Variants in MIIP observed in about 807,000 individuals in gnomAD.
MIIP encodes migration and invasion-inhibitory protein.
MIIP carries 44 observed loss-of-function variants against 44.8 expected under a neutral mutation model. The observed-to-expected ratio is 0.98, with a 90% CI of 0.77 to 1.26. MIIP has a LOEUF of 1.26. Among genes scored for constraint, MIIP ranks in the 50% most tolerant of loss-of-function variants. The pLI is 0.00. For missense variants in MIIP, 496 were observed against 511.7 expected (o/e 0.97, Z 0.30); for synonymous variants, 225 against 218.3 (o/e 1.03, Z -0.27).
intron 6 of MIIP, 158 bp from the exon 7 acceptor site, chr1:12,029,607 C>T: frequency 9.2e-7 from 1 of 1,088,524 alleles, no homozygotes; most frequent in Non-Finnish European, 1.3e-6. Context: ...GGCGTGGGCC[C>T]CAGGTTCTGG....
In MIIP at chr1:12,029,929, CA is replaced by C. The variant is rs1272963915; in HGVS notation, c.845+36del. 62 of 1,610,656 alleles carry C rather than the reference CA, an allele frequency of 3.8e-5. 1 individual carries two copies. Among genetic ancestry groups the C allele is most frequent in the Non-Finnish European group, 5.2e-5 (61 of 1,177,916 alleles). ...CAGAGTATTGGGACACCTTGGGGGA[CA>C]GAGCCTGAACCACTGGTTTTAAGAA... On this transcript the variant is annotated intron_variant, in intron 7 of 9. Transcript: ENST00000235332.
Position 12,021,767 on chromosome 1 carries a change from A to C in MIIP, c.41A>C (p.Asn14Thr). ...GAACTGGCACAGCTGCGGCTGCTCA[A>C]TCTGGAGCTCCTGAGGCAGCTGTGG... is the stretch of plus-strand genomic sequence containing the variant. ...AEELAQLRLL[N>T]LELLRQLWVG... Residue 14 changes from asparagine (N) to threonine (T), a missense_variant, in exon 2 of 10, where the codon AAT becomes ACT. By Grantham distance (65) the Asn-to-Thr change is moderately conservative. Transcript: ENST00000235332. 1 of 1,613,194 alleles carries C rather than the reference A, an allele frequency of 6.2e-7. No individual in the cohort carries two copies. The highest frequency in any genetic ancestry group is 8.5e-7 in the Non-Finnish European group (1 of 1,179,982).
chr1:12,031,840 G>A lies in MIIP; in HGVS notation c.*32G>A, dbSNP rs775350115. ...ACTCCTGGGGGAGAACAGCATTCCC[G>A]CCGCCTCCAGCCTCTCCCCTCTGGC... On this transcript the variant is annotated 3_prime_UTR_variant, in exon 10 of 10. Transcript: ENST00000235332. 30 of 1,590,326 alleles carry A rather than the reference G, an allele frequency of 1.9e-5. No homozygotes were observed. Among genetic ancestry groups the A allele is most frequent in the African/African-American group, 2.7e-5 (2 of 74,478 alleles).
intron 6 of MIIP, 140 bp downstream of exon 6, chr1:12,029,421 C>A: frequency 2.0e-6 from 2 of 984,478 alleles, no homozygotes; most frequent in South Asian, 1.6e-5. Context: ...GGGAGGCCTG[C>A]AGTCTGGACA....
chr1:12,029,419 T>C, intron 6 of MIIP, 138 bp downstream of exon 6: 1 of 1,015,410 alleles, frequency 9.8e-7, no homozygotes, highest in East Asian at 2.6e-5. Context: ...GAGGGAGGCC[T>C]GCAGTCTGGA....
chr1:12,019,831 C>T (rs1490471538), intron 1 of MIIP, among the ~76,000 whole-genome samples: 1 of 152,262 alleles, frequency 6.6e-6, no homozygotes, highest in African/African-American at 2.4e-5. Context: ...CCCTTTGACC[C>T]CGTGCGAAAA....
intron 1 of MIIP, among the ~76,000 whole-genome samples, chr1:12,019,959 C>A (rs958963136): frequency 6.6e-6 from 1 of 152,184 alleles, no homozygotes; most frequent in Non-Finnish European, 1.5e-5. Context: ...ATCTCCGTGC[C>A]CCCCGGCCCT....
chr1:12,023,691 T>C (rs77819478), intron 4 of MIIP, among the ~76,000 whole-genome samples: 3 of 150,062 alleles, frequency 2.0e-5, no homozygotes, highest in Admixed American at 6.6e-5. Context: ...TTTTTTTTTT[T>C]CTTTGCTTTT....
At chr1:12,030,831 CA>C (rs1303921320) in intron 8 of MIIP, among the ~76,000 whole-genome samples, 2 of 150,954 alleles carry the variant, frequency 1.3e-5, no homozygotes, top group Non-Finnish European at 2.9e-5. Context: ...GTGCCAGTGG[CA>C]ACTCCCCCTG....
intron 1 of MIIP, among the ~76,000 whole-genome samples, 175 bp downstream of exon 1, chr1:12,019,727 C>G (rs958707634): frequency 6.6e-6 from 1 of 152,280 alleles, no homozygotes; most frequent in African/African-American, 2.4e-5. Context: ...TCTGCGGCCC[C>G]GGTGTTTCTG....
rs1312250299 is a variant in MIIP at position 12,031,856 on chromosome 1, C to T, written c.*48C>T. On this transcript the variant is annotated 3_prime_UTR_variant, in exon 10 of 10. Transcript: ENST00000235332. Reference sequence around the variant, plus strand: ...AGCATTCCCGCCGCCTCCAGCCTCTCCCCTCTGGCAGGCGCACCCAGGAGA... The same window carrying T: ...AGCATTCCCGCCGCCTCCAGCCTCTTCCCTCTGGCAGGCGCACCCAGGAGA... 2.6e-6 allele frequency: 4 copies of T among 1,566,852 alleles called. No individual in the cohort carries two copies. The highest frequency in any genetic ancestry group is 3.5e-6 in the Non-Finnish European group (4 of 1,140,992).
Position 12,023,580 on chromosome 1 carries a change from A to AT in MIIP, c.547+668dup, listed in dbSNP as rs1179886052. On this transcript the variant is annotated intron_variant, in intron 4 of 9. Transcript: ENST00000235332. ...CACCACGCCTGGCTAATTTGTTTGT[A>AT]TTTTTGTTTTTTTTAGTAGAGACGG... 6.1e-4 allele frequency among the ~76,000 whole-genome samples: 90 copies of AT among 148,268 alleles called. 1 individual carries two copies. Among genetic ancestry groups the AT allele is most frequent in the African/African-American group, 2.2e-3 (90 of 40,326 alleles).
At position 12,031,702 on chromosome 1, in the gene MIIP, C is replaced by A. The variant is rs765419197; in HGVS notation, c.1081-20C>A. Reference sequence around the variant, plus strand: ...TCCCTTTCAAGTGGCCCCCCTGAGACTTCCCTATTCCCCATCCAGGCCTCA... The same window carrying A: ...TCCCTTTCAAGTGGCCCCCCTGAGAATTCCCTATTCCCCATCCAGGCCTCA... On this transcript the variant is annotated intron_variant, in intron 9 of 9. Transcript: ENST00000235332. The A allele has an allele frequency of 1.6e-5, 26 of 1,613,952 alleles. No individual in the cohort carries two copies. Among genetic ancestry groups the A allele is most frequent in the Non-Finnish European group, 1.9e-5 (22 of 1,179,986 alleles).
rs79384374 is a variant in MIIP, at chr1:12,024,896, A to G, written c.547+1979A>G. ...AGTCACCATTCTACTTTCTGTCCCT[A>G]TGAATTTGACTCCTCTAGGGACCTC... On this transcript the variant is annotated intron_variant, in intron 4 of 9. Transcript: ENST00000235332. Among the ~76,000 whole-genome samples the G allele has an allele frequency of 1.4e-3, 212 of 152,210 alleles. 4 individuals are homozygous for G. The East Asian group carries it at 0.035, about 25-fold the overall frequency.
chr1:12,021,878 A>G, intron 2 of MIIP, 38 bp downstream of exon 2: 1 of 1,515,778 alleles, frequency 6.6e-7, no homozygotes, highest in Non-Finnish European at 8.9e-7. Flanking sequence ...GGAAGGGGCT[A>G]CCTGACCTTC....
At chr1:12,031,069 C>A in intron 8 of MIIP, 197 bp from the exon 9 acceptor site, 1 of 641,370 alleles carries the variant, frequency 1.6e-6, no homozygotes, top group Non-Finnish European at 2.7e-6. Context: ...CATTTCAGCT[C>A]TCAGGGCCCC....
chr1:12,026,985 A>C (rs1569924862), intron 4 of MIIP, among the ~76,000 whole-genome samples: 3 of 146,386 alleles, frequency 2.0e-5, no homozygotes, highest in African/African-American at 2.5e-5. Context: ...ATTTCTCTCC[A>C]CTACTATTCC....
At chr1:12,029,361 A>G in intron 6 of MIIP, 80 bp downstream of exon 6, 4 of 1,464,086 alleles carry the variant, frequency 2.7e-6, no homozygotes, top group East Asian at 4.9e-5. Context: ...GAGCAGTCCC[A>G]TTTGAGGTTT....
At chr1:12,020,567 G>T (rs1245393470) in intron 1 of MIIP, among the ~76,000 whole-genome samples, 1 of 152,208 alleles carries the variant, frequency 6.6e-6, no homozygotes, top group Non-Finnish European at 1.5e-5. Context: ...GAGTGCAGTA[G>T]TGTGATCTCC....
Sources: gnomAD v4.1 joint callset for allele counts (sites outside exome capture counted in the v4.1 genomes callset) on GRCh38, gnomAD v4.1.1 for gene constraint, MANE v1.5 for transcripts, NCBI Gene and HGNC (gene_info 2026-07-23, HGNC 2026-07-21) for gene names.